Variants in DAB1 observed in about 807,000 individuals in gnomAD.
DAB1 encodes the protein disabled homolog 1.
A neutral mutation model predicts 64.6 loss-of-function variants in DAB1; 15 were observed. The observed-to-expected ratio is 0.23, with a 90% CI of 0.16 to 0.36. The LOEUF (loss-of-function observed/expected upper bound fraction) is 0.36, where lower values mean the gene tolerates loss of function less well. Among genes scored for constraint, DAB1 ranks in the 10% least tolerant of loss-of-function variants. DAB1 has a pLI of 1.00. For synonymous variants in DAB1, 235 were observed against 251.9 expected (o/e 0.93, Z 0.64); for missense variants, 596 against 706.7 (o/e 0.84, Z 1.78).
At chr1:57,042,282 A>T (rs1180314703) in intron 9 of DAB1, among the ~76,000 whole-genome samples, 1 of 152,228 alleles carries the variant, frequency 6.6e-6, no homozygotes, top group Non-Finnish European at 1.5e-5. Flanking sequence ...ACTTGAAAAT[A>T]GTTTGTGTGT....
intron 7 of DAB1, among the ~76,000 whole-genome samples, chr1:57,440,817 A>T (rs1685913137): frequency 6.6e-6 from 1 of 152,256 alleles, no homozygotes; most frequent in African/African-American, 2.4e-5. Flanking sequence ...AAAATAAAAC[A>T]TGAATAATAA....
chr1:57,410,355 G>A (rs957348770), intron 1 of DAB1, among the ~76,000 whole-genome samples: 2 of 152,176 alleles, frequency 1.3e-5, no homozygotes, highest in African/African-American at 2.4e-5. Flanking sequence ...AGTATAAAGG[G>A]CATGAAAGAT....
At chr1:57,871,163 G>A (rs1248257354) in intron 1 of DAB1, among the ~76,000 whole-genome samples, 1 of 152,124 alleles carries the variant, frequency 6.6e-6, no homozygotes, top group East Asian at 1.9e-4. Flanking sequence ...TGGAAAGATA[G>A]GGGTGTGTAT....
intron 3 of DAB1, among the ~76,000 whole-genome samples, chr1:58,412,915 G>A (rs182769463): frequency 6.6e-6 from 1 of 152,326 alleles, no homozygotes; most frequent in East Asian, 1.9e-4. Flanking sequence ...ATAAGAGAAT[G>A]AATGTTACAT....
chr1:57,831,207 C>A (rs1408952393), intron 1 of DAB1, among the ~76,000 whole-genome samples: 2 of 152,166 alleles, frequency 1.3e-5, no homozygotes, highest in Non-Finnish European at 2.9e-5. Flanking sequence ...GCCACCGCGC[C>A]CAGCCATGTT....
chr1:57,001,845 C>T (rs1645880772), intron 14 of DAB1, among the ~76,000 whole-genome samples: 1 of 152,178 alleles, frequency 6.6e-6, no homozygotes, highest in Non-Finnish European at 1.5e-5. Flanking sequence ...CTGGACTCTG[C>T]AGGTGACACG....
rs59397849 is a variant in DAB1 at position 57,918,067 on chromosome 1, C to CAATAAATAAATAAATA, written n.388-33921_388-33906dup. Among the ~76,000 whole-genome samples the CAATAAATAAATAAATA allele has an allele frequency of 1.1e-3, 156 of 138,688 alleles. 1 individual carries two copies. The East Asian group carries it at 0.012, about 10-fold the overall frequency. 91.0% of individuals were successfully genotyped at this position (138,688 alleles called of 152,430 possible). A position where few individuals can be genotyped will look rare whatever the true frequency, so the allele number is the denominator to read the frequency against. Reference sequence around the variant, plus strand: ...GGGGTGACAGAGTGAGACTCCGTCTCAATAAATAAATAAATAAATAAATAA... The same window carrying CAATAAATAAATAAATA: ...GGGGTGACAGAGTGAGACTCCGTCTCAATAAATAAATAAATAAATAAATAAATAAATAAATAAATAA... On this transcript the variant is annotated intron_variant and non_coding_transcript_variant, in intron 5 of 20. Coordinates refer to the DAB1 transcript ENST00000485760.
At chr1:57,198,458 C>G (rs1284311068) in intron 2 of DAB1, among the ~76,000 whole-genome samples, 1 of 152,098 alleles carries the variant, frequency 6.6e-6, no homozygotes, top group African/African-American at 2.4e-5. Flanking sequence ...GCCCCAGGGC[C>G]CTAAGTCTAG....
intron 3 of DAB1, among the ~76,000 whole-genome samples, chr1:58,369,352 T>C (rs1214343379): frequency 6.6e-6 from 1 of 152,250 alleles, no homozygotes; most frequent in Non-Finnish European, 1.5e-5. Context: ...TACATGTTAA[T>C]TGGTTATAAG....
intron 4 of DAB1, among the ~76,000 whole-genome samples, chr1:58,260,273 C>A (rs548027589): frequency 1.3e-5 from 2 of 152,296 alleles, no homozygotes; most frequent in East Asian, 3.9e-4. Flanking sequence ...TACACAACGT[C>A]ATACATCAGC....
intron 7 of DAB1, among the ~76,000 whole-genome samples, chr1:57,438,278 C>T (rs1418656615): frequency 6.6e-6 from 1 of 152,060 alleles, no homozygotes; most frequent in Admixed American, 6.6e-5. Flanking sequence ...GTGTAGTTCC[C>T]TCAGTGTGAT....
At chr1:58,519,947 C>A (rs1646235635) in intron 2 of DAB1, among the ~76,000 whole-genome samples, 1 of 150,440 alleles carries the variant, frequency 6.6e-6, no homozygotes, top group Non-Finnish European at 1.5e-5. Context: ...TAATGAACTT[C>A]AAGATAGGTA....
intron 5 of DAB1, among the ~76,000 whole-genome samples, chr1:57,991,944 A>G (rs11207142): frequency 0.02 from 2,990 of 151,386 alleles, 66 homozygotes; most frequent in African/African-American, 0.049. Flanking sequence ...GAGAAGGTCA[A>G]GTCAAGGAGG....
At chr1:57,084,470 G>A (rs1252537985) in intron 4 of DAB1, among the ~76,000 whole-genome samples, 1 of 152,144 alleles carries the variant, frequency 6.6e-6, no homozygotes, top group Non-Finnish European at 1.5e-5. Flanking sequence ...CCAGTTTGTG[G>A]TACTTTGGAG....
intron 1 of DAB1, among the ~76,000 whole-genome samples, chr1:58,528,225 G>C (rs892483643): frequency 6.6e-5 from 10 of 152,120 alleles, no homozygotes; most frequent in African/African-American, 2.4e-4. Flanking sequence ...CAAGTCTATT[G>C]ATAACATAAG....
intron 2 of DAB1, among the ~76,000 whole-genome samples, chr1:57,254,874 C>T (rs1197468829): frequency 6.6e-6 from 1 of 152,060 alleles, no homozygotes; most frequent in East Asian, 1.9e-4. Context: ...CACACACACA[C>T]AATTGAAAAT....
At position 58,078,659 on chromosome 1, in the gene DAB1, T is replaced by G. The variant is rs185277241; in HGVS notation, n.387+71852A>C. Reference sequence around the variant, plus strand: ...TAGTATTTGCTGAGTATTAATTATATGCCAGACATATGCTTGAGGTTTCCA... The same window carrying G: ...TAGTATTTGCTGAGTATTAATTATAGGCCAGACATATGCTTGAGGTTTCCA... On this transcript the variant is annotated intron_variant and non_coding_transcript_variant, in intron 5 of 20. Coordinates refer to the DAB1 transcript ENST00000485760. 2.9e-3 allele frequency among the ~76,000 whole-genome samples: 436 copies of G among 152,284 alleles called. 1 individual carries two copies. Among genetic ancestry groups the G allele is most frequent in the Non-Finnish European group, 4.7e-3 (319 of 68,026 alleles).
At chr1:58,388,164 G>A (rs1448348232) in intron 3 of DAB1, among the ~76,000 whole-genome samples, 1 of 152,174 alleles carries the variant, frequency 6.6e-6, no homozygotes, top group Non-Finnish European at 1.5e-5. Flanking sequence ...GGGAAGATTA[G>A]AGTCTTTCAG....
intron 3 of DAB1, among the ~76,000 whole-genome samples, chr1:58,440,785 G>A (rs1347896817): frequency 6.6e-6 from 1 of 152,174 alleles, no homozygotes; most frequent in East Asian, 1.9e-4. Flanking sequence ...AGAGAGCTGA[G>A]GCACTGTCTG....
Sources: gnomAD v4.1 joint callset for allele counts (sites outside exome capture counted in the v4.1 genomes callset) on GRCh38, gnomAD v4.1.1 for gene constraint, MANE v1.5 for transcripts, NCBI Gene and HGNC (gene_info 2026-07-23, HGNC 2026-07-21) for gene names.